The following NUP155 variants were observed in gnomAD, a reference collection of about 807,000 sequenced individuals.
NUP155 encodes the protein nuclear pore complex protein Nup155.
Under a neutral mutation model 180.4 loss-of-function variants are expected in NUP155, and 71 were observed. That is an observed-to-expected ratio of 0.39 (90% CI 0.33 to 0.48). The LOEUF is 0.48. Ranked by LOEUF, NUP155 falls within the 20% of genes least tolerant of loss-of-function variation. The pLI is 0.91. For synonymous variants in NUP155, 582 were observed against 559.5 expected (o/e 1.04, Z -0.57); for missense variants, 1,553 against 1,648.9 (o/e 0.94, Z 1.01).
At position 37,358,228 on chromosome 5, in the gene NUP155, C is replaced by T. The variant is rs192891217; in HGVS notation, c.393-77G>A. Reference sequence around the variant, plus strand: ...ATGTGGTGGCTCATGTCTTTAATCCCAGTACTTTGGGAGTCTGAGGCAGGA... The same window carrying T: ...ATGTGGTGGCTCATGTCTTTAATCCTAGTACTTTGGGAGTCTGAGGCAGGA... On this transcript the variant is annotated intron_variant, in intron 3 of 34. Coordinates refer to ENST00000231498, the MANE Select transcript of NUP155 (RefSeq NM_153485.3). 139 of 1,059,364 alleles carry T rather than the reference C, an allele frequency of 1.3e-4. No individual in the cohort carries two copies. In the African/African-American group the frequency reaches 1.8e-3, roughly 14 times the overall value. The allele number at this position is 1,059,364 out of a possible 1,614,324, so 65.6% of individuals were successfully genotyped here.
chr5:37,332,313 C>CTTTTTTTTTTT (rs1021002313), intron 13 of NUP155, among the ~76,000 whole-genome samples: 12 of 87,704 alleles, frequency 1.4e-4, no homozygotes, highest in African/African-American at 5.1e-4. Context: ...GCCATTACAG[C>CTTTTTTTTTTT]TTTTTTTTTT....
At chr5:37,319,599 C>T (rs181879362) in intron 20 of NUP155, among the ~76,000 whole-genome samples, 2 of 152,162 alleles carry the variant, frequency 1.3e-5, no homozygotes, top group African/African-American at 2.4e-5. Context: ...GTGCGGATGG[C>T]TCATGCCTAA....
At chr5:37,304,144 G>T (rs1743017663) in intron 27 of NUP155, among the ~76,000 whole-genome samples, 2 of 151,112 alleles carry the variant, frequency 1.3e-5, no homozygotes, top group South Asian at 4.2e-4. Flanking sequence ...CAGCTACTTG[G>T]GAGGCTGAAG....
chr5:37,330,457 C>A (rs1004651745), intron 14 of NUP155, among the ~76,000 whole-genome samples: 1 of 152,172 alleles, frequency 6.6e-6, no homozygotes, highest in African/African-American at 2.4e-5. Context: ...TGAATACCTA[C>A]CATGTGTCAG....
At chr5:37,346,637 C>G (rs543686677) in intron 9 of NUP155, among the ~76,000 whole-genome samples, 1 of 151,740 alleles carries the variant, frequency 6.6e-6, no homozygotes, top group East Asian at 1.9e-4. Context: ...CGCCATTGCA[C>G]TCCAGCCTGG....
intron 20 of NUP155, among the ~76,000 whole-genome samples, chr5:37,318,361 G>C (rs1173205057): frequency 1.3e-5 from 2 of 151,730 alleles, no homozygotes; most frequent in African/African-American, 4.8e-5. Context: ...AAAAAGAGGG[G>C]GTAAAGGAGA....
At chr5:37,336,205 G>C (rs773419114) in intron 12 of NUP155, among the ~76,000 whole-genome samples, 1 of 152,122 alleles carries the variant, frequency 6.6e-6, no homozygotes, top group Non-Finnish European at 1.5e-5. Flanking sequence ...GTTAGGTGGA[G>C]GACAGTGTCT....
rs1279416000 is a variant in NUP155 at position 37,307,409 on chromosome 5, C to T, written c.2791G>A (p.Glu931Lys). The stretch of plus-strand genomic sequence containing the variant: ...TTCTCTGCAGCCGTAAGAGAAAGTT[C>T]CACCACACCCTCATAAAATCTCACT... ...RQVRFYEGVVELSLTAAEKKD... is the reference protein window; with the variant it reads ...RQVRFYEGVVKLSLTAAEKKD... Residue 931 changes from glutamate (E) to lysine (K), a missense_variant, in exon 25 of 35, where the codon GAA becomes AAA. Transcript: ENST00000231498. 5 of 1,613,806 alleles carry T rather than the reference C, an allele frequency of 3.1e-6. No individual in the cohort carries two copies. Among genetic ancestry groups the T allele is most frequent in the Non-Finnish European group, 4.2e-6 (5 of 1,179,896 alleles).
rs1017261103 is a variant in NUP155, at chr5:37,294,967, T to C, written c.3794-502A>G. Among the ~76,000 whole-genome samples the C allele has an allele frequency of 4.3e-4, 65 of 152,078 alleles. 1 individual carries two copies. Among genetic ancestry groups the C allele is most frequent in the Admixed American group, 4.1e-3 (62 of 15,266 alleles). On this transcript the variant is annotated intron_variant, in intron 32 of 34. Transcript: ENST00000231498. ...GATATAAGAAGAAAACAGAGACGAT[T>C]CACGATCCCAATATTGAAGAGGACT...
At chr5:37,357,731 C>A (rs563491784) in intron 4 of NUP155, among the ~76,000 whole-genome samples, 341 of 152,238 alleles carry the variant, frequency 2.2e-3, no homozygotes, top group Admixed American at 4.3e-3. Context: ...CGGTGGCTTA[C>A]ATCTGTAATC....
chr5:37,370,801 G>C lies in NUP155; in HGVS notation c.157+20C>G. 2 of 1,614,148 alleles carry C rather than the reference G, an allele frequency of 1.2e-6. No homozygotes were observed. The highest frequency in any genetic ancestry group is 2.2e-5 in the East Asian group (1 of 44,886). ...GGCGAGAGTCCTTTAGGTTGAGAAAGCAGGGTCACTATCACTCACTTGGGG... is the reference window on the plus strand; with the variant it reads ...GGCGAGAGTCCTTTAGGTTGAGAAACCAGGGTCACTATCACTCACTTGGGG... On this transcript the variant is annotated intron_variant, in intron 1 of 34. Transcript: ENST00000231498.
At chr5:37,302,939 A>G in intron 28 of NUP155, 31 bp from the exon 29 acceptor site, 1 of 1,612,054 alleles carries the variant, frequency 6.2e-7, no homozygotes, top group Non-Finnish European at 8.5e-7. Context: ...TTTTAGTTAC[A>G]CAATTTCTTA....
intron 11 of NUP155, among the ~76,000 whole-genome samples, chr5:37,339,853 T>TC (rs1160403972): frequency 2.0e-5 from 3 of 152,064 alleles, no homozygotes; most frequent in African/African-American, 7.2e-5. Context: ...AACCTTCACT[T>TC]CCCCAGTTCA....
chr5:37,291,884 A>G lies in NUP155; in HGVS notation c.*16T>C. ...ATTTTACAGATCATAAAACGGATGA[A>G]AGTATATCACAGTAATTAATGAAGC... On this transcript the variant is annotated 3_prime_UTR_variant, in exon 35 of 35. Transcript: ENST00000231498. The G allele has an allele frequency of 1.2e-6, 2 of 1,612,508 alleles. No individual in the cohort carries two copies. The highest frequency in any genetic ancestry group is 1.7e-6 in the Non-Finnish European group (2 of 1,178,622).
At position 37,349,053 on chromosome 5, in the gene NUP155, G is replaced by A. The variant is rs1280005446; in HGVS notation, c.903+119C>T. The A allele has an allele frequency of 8.8e-6, 3 of 341,102 alleles. No individual in the cohort carries two copies. In the Admixed American group the frequency reaches 1.4e-4, roughly 16 times the overall value. The allele number at this position is 341,102 out of a possible 1,614,324, so 21.1% of individuals were successfully genotyped here. On this transcript the variant is annotated intron_variant, in intron 8 of 34. Coordinates refer to ENST00000231498, the MANE Select transcript of NUP155 (RefSeq NM_153485.3). ...TTACAGGCTTGAGCCACCATGCCCA[G>A]CAGGCTTTTTTTTTTTTTAGTTACA...
chr5:37,368,538 G>C (rs1255221851), intron 1 of NUP155, among the ~76,000 whole-genome samples: 1 of 152,034 alleles, frequency 6.6e-6, no homozygotes, highest in East Asian at 1.9e-4. Context: ...AGCAAATCCA[G>C]GCTGGGCACA....
chr5:37,325,746 G>C (rs1229247721), intron 19 of NUP155, among the ~76,000 whole-genome samples, 155 bp downstream of exon 19: 1 of 124,626 alleles, frequency 8.0e-6, no homozygotes, highest in African/African-American at 3.2e-5. Flanking sequence ...TCCAGCCTGG[G>C]AGACAGAGCA....
At chr5:37,356,004 C>A (rs1019104029) in intron 4 of NUP155, among the ~76,000 whole-genome samples, 2 of 151,622 alleles carry the variant, frequency 1.3e-5, no homozygotes, top group African/African-American at 4.8e-5. Context: ...CCGAGGTGGG[C>A]GGATCACCTG....
chr5:37,300,873 G>A (rs1217441880), intron 30 of NUP155: 1 of 155,494 alleles, frequency 6.4e-6, no homozygotes, highest in African/African-American at 2.5e-5. Flanking sequence ...CAGGCTCCTA[G>A]ACTGCAGTGC....
Sources: allele counts gnomAD v4.1 joint callset (sites outside exome capture counted in the v4.1 genomes callset), GRCh38; gene constraint gnomAD v4.1.1; transcripts MANE v1.5; gene names NCBI Gene and HGNC (gene_info 2026-07-23, HGNC 2026-07-21).